RIN2: variants seen among roughly 807,000 people sequenced by gnomAD.
RIN2 encodes Ras and Rab interactor 2.
RIN2 carries 36 observed loss-of-function variants against 78.0 expected under a neutral mutation model. The observed-to-expected ratio is 0.46, with a 90% CI of 0.35 to 0.61. The LOEUF (loss-of-function observed/expected upper bound fraction) is 0.61, where lower values mean the gene tolerates loss of function less well. RIN2 is among the 20% of genes least tolerant of loss of function. The pLI, the probability that RIN2 is intolerant of heterozygous loss-of-function variation, is 0.00. For missense variants in RIN2, 1,087 were observed against 1,159.7 expected (o/e 0.94, Z 0.91); for synonymous variants, 466 against 466.8 (o/e 1.00, Z 0.02).
At chr20:19,826,305 C>T (rs1266199944) in intron 2 of RIN2, among the ~76,000 whole-genome samples, 2 of 152,078 alleles carry the variant, frequency 1.3e-5, no homozygotes, top group African/African-American at 2.4e-5. Context: ...TATTATATTA[C>T]ACACATTGTG....
intron 2 of RIN2, among the ~76,000 whole-genome samples, chr20:19,805,636 A>G (rs969654779): frequency 2.6e-5 from 4 of 152,104 alleles, no homozygotes; most frequent in African/African-American, 7.2e-5. Context: ...TCTTGATCTC[A>G]GATGATCTGC....
chr20:19,933,840 A>T (rs1460910192), intron 3 of RIN2, among the ~76,000 whole-genome samples: 3 of 151,952 alleles, frequency 2.0e-5, no homozygotes, highest in Non-Finnish European at 4.4e-5. Context: ...ATGGAGCCTC[A>T]CTCTGTCGCC....
rs869169793 is a variant in RIN2, at chr20:19,844,698, C to CTCTTCTTCTTCTTCT, written c.-36-44836_-36-44822dup. The stretch of plus-strand genomic sequence containing the variant: ...CTTCTTCTTCTTCCTCTTCCTCTTC[C>CTCTTCTTCTTCTTCT]TCTTCTTCTTCTTCTTCTTCTTCTT... On this transcript the variant is annotated intron_variant, in intron 2 of 12. Coordinates refer to ENST00000255006, the MANE Select transcript of RIN2 (RefSeq NM_018993.4). Among the ~76,000 whole-genome samples the CTCTTCTTCTTCTTCT allele has an allele frequency of 2.2e-3, 57 of 26,360 alleles. 1 individual carries two copies. The highest frequency in any genetic ancestry group is 2.6e-3 in the Non-Finnish European group (29 of 11,316). The allele number at this position is 26,360 out of a possible 152,430, so 17.3% of individuals were successfully genotyped here.
chr20:19,953,591 C>T (rs1226109135), intron 4 of RIN2, among the ~76,000 whole-genome samples: 1 of 152,130 alleles, frequency 6.6e-6, no homozygotes. Flanking sequence ...CAGGCACCCA[C>T]CACCACTCCT....
intron 1 of RIN2, among the ~76,000 whole-genome samples, chr20:19,785,507 A>G (rs2034647808): frequency 6.6e-6 from 1 of 152,202 alleles, no homozygotes; most frequent in South Asian, 2.1e-4. Flanking sequence ...GCCAGGCAGG[A>G]CATCCTTTCA....
At chr20:19,812,729 C>T (rs773019497) in intron 2 of RIN2, among the ~76,000 whole-genome samples, 1 of 152,184 alleles carries the variant, frequency 6.6e-6, no homozygotes, top group African/African-American at 2.4e-5. Context: ...TGGGCATCCT[C>T]ACTGAAAGAA....
intron 2 of RIN2, among the ~76,000 whole-genome samples, chr20:19,861,293 C>A (rs958869566): frequency 5.3e-5 from 8 of 152,172 alleles, no homozygotes; most frequent in African/African-American, 1.7e-4. Flanking sequence ...AAATTGATTT[C>A]TGCCCAGCTG....
At chr20:19,839,630 C>G (rs1435397194) in intron 2 of RIN2, among the ~76,000 whole-genome samples, 1 of 152,198 alleles carries the variant, frequency 6.6e-6, no homozygotes, top group African/African-American at 2.4e-5. Context: ...ACCACCTCCC[C>G]CTGGAGGATC....
intron 3 of RIN2, among the ~76,000 whole-genome samples, chr20:19,908,318 C>T (rs889367557): frequency 2.6e-5 from 4 of 151,906 alleles, no homozygotes; most frequent in East Asian, 1.9e-4. Flanking sequence ...GGTGAAACCC[C>T]GTCTCTACTA....
At chr20:19,957,690 A>AC (rs2041598059) in intron 5 of RIN2, among the ~76,000 whole-genome samples, 1 of 152,106 alleles carries the variant, frequency 6.6e-6, no homozygotes, top group South Asian at 2.1e-4. Context: ...CAAAAAAAAA[A>AC]AGTGATTGGT....
intron 4 of RIN2, among the ~76,000 whole-genome samples, chr20:19,952,677 G>A (rs1194053739): frequency 6.6e-6 from 1 of 152,172 alleles, no homozygotes; most frequent in Non-Finnish European, 1.5e-5. Context: ...AGGGAAGGAA[G>A]ATATGTCAAC....
intron 2 of RIN2, among the ~76,000 whole-genome samples, chr20:19,878,511 C>G (rs935194734): frequency 2.0e-5 from 3 of 152,172 alleles, no homozygotes; most frequent in African/African-American, 7.2e-5. Flanking sequence ...AAATTTAAAC[C>G]AGGTTTCCCA....
At chr20:19,892,804 C>A (rs1005270736) in intron 3 of RIN2, among the ~76,000 whole-genome samples, 1 of 152,222 alleles carries the variant, frequency 6.6e-6, no homozygotes, top group Non-Finnish European at 1.5e-5. Flanking sequence ...AGTACTGATT[C>A]TTTGCAGGTT....
At chr20:19,871,623 G>GCCCTA (rs2037691955) in intron 2 of RIN2, among the ~76,000 whole-genome samples, 1 of 152,162 alleles carries the variant, frequency 6.6e-6, no homozygotes, top group African/African-American at 2.4e-5. Context: ...GGTTTGGCTG[G>GCCCTA]GAGTTAGGGC....
In RIN2 at chr20:19,900,864, C is replaced by T. The variant is rs11907437; in HGVS notation, c.57+11206C>T. Among the ~76,000 whole-genome samples the T allele has an allele frequency of 1.0e-2, 1,417 of 142,128 alleles. 23 individuals carry two copies. Among genetic ancestry groups the T allele is most frequent in the African/African-American group, 0.035 (1,314 of 37,444 alleles). The allele number at this position is 142,128 out of a possible 152,430, so 93.2% of individuals were successfully genotyped here. A position where few individuals can be genotyped will look rare whatever the true frequency, so the allele number is the denominator to read the frequency against. Reference sequence around the variant, plus strand: ...ACTTGGGAGGCTGAGGCAGGAGAATCGCTTGAACCCGGGAGGCGGAGGTTG... The same window carrying T: ...ACTTGGGAGGCTGAGGCAGGAGAATTGCTTGAACCCGGGAGGCGGAGGTTG... On this transcript the variant is annotated intron_variant, in intron 3 of 12. Coordinates refer to ENST00000255006, the MANE Select transcript of RIN2 (RefSeq NM_018993.4).
chr20:19,843,845 G>GA (rs1012615406), intron 2 of RIN2, among the ~76,000 whole-genome samples: 8 of 151,490 alleles, frequency 5.3e-5, no homozygotes, highest in Non-Finnish European at 7.4e-5. Flanking sequence ...AAGTTATTCT[G>GA]AAAAAAAATA....
chr20:19,806,923 T>G (rs2035428393), intron 2 of RIN2, among the ~76,000 whole-genome samples: 1 of 152,216 alleles, frequency 6.6e-6, no homozygotes, highest in South Asian at 2.1e-4. Flanking sequence ...GTTTAGCTCA[T>G]GCAAACAGAG....
intron 2 of RIN2, among the ~76,000 whole-genome samples, chr20:19,834,559 A>C (rs1478104483): frequency 1.3e-5 from 2 of 152,164 alleles, no homozygotes. Flanking sequence ...AAAGTGGAGG[A>C]GCAAATCAAG....
chr20:19,814,719 A>G (rs1332178556), intron 2 of RIN2, among the ~76,000 whole-genome samples: 2 of 152,072 alleles, frequency 1.3e-5, no homozygotes, highest in Non-Finnish European at 2.9e-5. Context: ...TAGGCTCACA[A>G]GTAGCTGGGA....
Sources: gnomAD v4.1 joint callset for allele counts (sites outside exome capture counted in the v4.1 genomes callset) on GRCh38, gnomAD v4.1.1 for gene constraint, MANE v1.5 for transcripts, NCBI Gene and HGNC (gene_info 2026-07-23, HGNC 2026-07-21) for gene names.